PARD3: variants seen among roughly 807,000 people sequenced by gnomAD.
PARD3 encodes par-3 family cell polarity regulator.
In PARD3, 75 loss-of-function variants were observed where a neutral mutation model predicts 155.4. The observed-to-expected ratio is 0.48, with a 90% CI of 0.40 to 0.58. The LOEUF (loss-of-function observed/expected upper bound fraction) is 0.58, where lower values mean the gene tolerates loss of function less well. Among genes scored for constraint, PARD3 ranks in the 20% least tolerant of loss-of-function variants. The pLI is 0.00. For missense variants in PARD3, 1,642 were observed against 1,721.7 expected (o/e 0.95, Z 0.82); for synonymous variants, 576 against 610.5 (o/e 0.94, Z 0.83).
chr10:34,784,970 T>A (rs965521723), intron 1 of PARD3, among the ~76,000 whole-genome samples: 2 of 152,216 alleles, frequency 1.3e-5, no homozygotes, highest in African/African-American at 4.8e-5. Context: ...ATCTCATCAC[T>A]AAGTTTCCTC....
chr10:34,385,579 A>G (rs1842272853), intron 7 of PARD3, among the ~76,000 whole-genome samples: 1 of 152,248 alleles, frequency 6.6e-6, no homozygotes, highest in Non-Finnish European at 1.5e-5. Flanking sequence ...AGAATCCAGT[A>G]TAAATTAAAA....
chr10:34,159,343 T>G (rs949642423), intron 22 of PARD3, among the ~76,000 whole-genome samples: 1 of 152,132 alleles, frequency 6.6e-6, no homozygotes, highest in African/African-American at 2.4e-5. Context: ...CTCAATGCTG[T>G]GGTTTATGGT....
intron 21 of PARD3, among the ~76,000 whole-genome samples, chr10:34,270,990 T>C (rs923609597): frequency 6.6e-6 from 1 of 152,160 alleles, no homozygotes; most frequent in African/African-American, 2.4e-5. Flanking sequence ...CTGGAAAAAA[T>C]TTTAAAACCC....
intron 4 of PARD3, among the ~76,000 whole-genome samples, chr10:34,466,841 T>C (rs1420714569): frequency 6.6e-6 from 1 of 152,156 alleles, no homozygotes; most frequent in Non-Finnish European, 1.5e-5. Flanking sequence ...CATATTTATA[T>C]ATGAGCTCTC....
chr10:34,372,465 ATC>A, intron 12 of PARD3, 31 bp downstream of exon 12: 1 of 1,550,126 alleles, frequency 6.5e-7, no homozygotes, highest in South Asian at 1.1e-5. Flanking sequence ...TCTTTCCAAC[ATC>A]TCTGCATCCT....
At chr10:34,799,357 A>G (rs956124950) in intron 1 of PARD3, among the ~76,000 whole-genome samples, 2 of 152,024 alleles carry the variant, frequency 1.3e-5, no homozygotes, top group African/African-American at 4.8e-5. Flanking sequence ...ACAGATTCCT[A>G]TACGGAGGTG....
chr10:34,784,318 T>A (rs1840668208), intron 1 of PARD3, among the ~76,000 whole-genome samples: 5 of 152,164 alleles, frequency 3.3e-5, no homozygotes, highest in Admixed American at 3.3e-4. Flanking sequence ...CAGCCCCATG[T>A]GAGACAGAAG....
intron 2 of PARD3, among the ~76,000 whole-genome samples, chr10:34,622,759 T>C (rs1025286796): frequency 3.3e-5 from 5 of 151,856 alleles, no homozygotes; most frequent in Non-Finnish European, 5.9e-5. Flanking sequence ...GGCCGAACAG[T>C]AATAGAGGTG....
intron 10 of PARD3, among the ~76,000 whole-genome samples, chr10:34,376,309 T>C (rs997361290): frequency 6.6e-6 from 1 of 152,054 alleles, no homozygotes; most frequent in African/African-American, 2.4e-5. Context: ...AATAAAAAGG[T>C]TTTTCTGATA....
chr10:34,222,867 A>G (rs17553380), intron 22 of PARD3, among the ~76,000 whole-genome samples: 3,976 of 152,110 alleles, frequency 0.026, 89 homozygotes, highest in Non-Finnish European at 0.038. Context: ...CTTTGACCAC[A>G]CTCAGGACAC....
At chr10:34,166,846 T>C (rs1588992456) in intron 22 of PARD3, among the ~76,000 whole-genome samples, 1 of 152,320 alleles carries the variant, frequency 6.6e-6, no homozygotes, top group Non-Finnish European at 1.5e-5. Context: ...GGTGTGTTTT[T>C]TCCTCCATTT....
intron 2 of PARD3, among the ~76,000 whole-genome samples, chr10:34,558,005 T>C (rs547312382): frequency 1.2e-3 from 176 of 152,058 alleles, no homozygotes; most frequent in Non-Finnish European, 1.5e-3. Context: ...CTATTCTCGT[T>C]ATGATTTTGC....
intron 5 of PARD3, among the ~76,000 whole-genome samples, chr10:34,448,813 T>A (rs2076897249): frequency 6.6e-6 from 1 of 151,616 alleles, no homozygotes; most frequent in Non-Finnish European, 1.5e-5. Context: ...TCAAAAAAAT[T>A]AAATTAAATT....
chr10:34,666,758 C>T (rs1428868798), intron 2 of PARD3, among the ~76,000 whole-genome samples: 3 of 127,578 alleles, frequency 2.4e-5, no homozygotes, highest in Non-Finnish European at 3.2e-5. Flanking sequence ...GAACCTTCCA[C>T]CTCACCTACC....
intron 3 of PARD3, among the ~76,000 whole-genome samples, chr10:34,501,761 T>C (rs2080726618): frequency 6.6e-6 from 1 of 151,588 alleles, no homozygotes; most frequent in African/African-American, 2.4e-5. Context: ...TGTCTACATC[T>C]TAATCCCTAG....
At chr10:34,141,275 G>A (rs1207579353) in intron 22 of PARD3, among the ~76,000 whole-genome samples, 1 of 152,144 alleles carries the variant, frequency 6.6e-6, no homozygotes, top group Non-Finnish European at 1.5e-5. Flanking sequence ...CTCATCATCT[G>A]TAATATAAAA....
At chr10:34,192,919 G>A (rs1781454906) in intron 22 of PARD3, among the ~76,000 whole-genome samples, 2 of 152,114 alleles carry the variant, frequency 1.3e-5, no homozygotes, top group South Asian at 4.1e-4. Flanking sequence ...TGAGGTAAAG[G>A]CATTAAAACT....
chr10:34,655,327 TAA>T (rs1482870137), intron 2 of PARD3, among the ~76,000 whole-genome samples: 1 of 152,150 alleles, frequency 6.6e-6, no homozygotes, highest in Admixed American at 6.6e-5. Flanking sequence ...TGTTTGTCTA[TAA>T]ATTGTTCTAG....
chr10:34,622,856 C>CCAT (rs2091769654), intron 2 of PARD3, among the ~76,000 whole-genome samples: 1 of 146,738 alleles, frequency 6.8e-6, no homozygotes, highest in African/African-American at 2.5e-5. Flanking sequence ...AGTACACAGG[C>CCAT]CATATTCCAT....
Sources: gnomAD v4.1 joint callset for allele counts (sites outside exome capture counted in the v4.1 genomes callset) on GRCh38, gnomAD v4.1.1 for gene constraint, MANE v1.5 for transcripts, NCBI Gene and HGNC (gene_info 2026-07-23, HGNC 2026-07-21) for gene names.